The following STX5 variants were observed in gnomAD, a reference collection of about 807,000 sequenced individuals.
STX5 encodes syntaxin 5.
In STX5, 15 loss-of-function variants were observed where a neutral mutation model predicts 42.9. The ratio of observed to expected loss-of-function variants is 0.35; its 90% confidence interval spans 0.23 to 0.54. The LOEUF (loss-of-function observed/expected upper bound fraction) is 0.54, where lower values mean the gene tolerates loss of function less well. Among genes scored for constraint, STX5 ranks in the 20% least tolerant of loss-of-function variants. The pLI is 0.91. For missense variants in STX5, 430 were observed against 455.0 expected (o/e 0.95, Z 0.50); for synonymous variants, 184 against 173.2 (o/e 1.06, Z -0.49).
intron 5 of STX5, among the ~76,000 whole-genome samples, chr11:62,826,004 C>A (rs958564362): frequency 6.6e-6 from 1 of 152,186 alleles, no homozygotes. Flanking sequence ...TCTGTAAACC[C>A]ACCACTTTGA....
intron 10 of STX5, among the ~76,000 whole-genome samples, chr11:62,817,313 A>G (rs1842971632): frequency 1.3e-5 from 2 of 152,112 alleles, no homozygotes; most frequent in Admixed American, 1.3e-4. Context: ...CAATATCTAC[A>G]TTGCTGAATC....
intron 10 of STX5, among the ~76,000 whole-genome samples, chr11:62,814,628 A>AT (rs59288995): frequency 0.017 from 2,385 of 136,498 alleles, 33 homozygotes; most frequent in African/African-American, 0.038. Flanking sequence ...CGCTCAGCTA[A>AT]TTTTTTTTTT....
At position 62,810,675 on chromosome 11, in the gene STX5, T is replaced by C. The variant is rs116365913; in HGVS notation, c.909-3047A>G. ...AATTCTCAAGTGTCACAACCAGAAA[T>C]TCTAGGTTGGGGCCCAAGAATCTGC... On this transcript the variant is annotated intron_variant, in intron 10 of 10. Transcript: ENST00000294179. 9.3e-3 allele frequency among the ~76,000 whole-genome samples: 1,421 copies of C among 152,266 alleles called. 20 individuals are homozygous for C. The highest frequency in any genetic ancestry group is 0.033 in the African/African-American group (1,352 of 41,548).
In STX5 at chr11:62,821,037, C is replaced by T. The variant is rs376758902; in HGVS notation, c.908+3129G>A. Among the ~76,000 whole-genome samples the T allele has an allele frequency of 2.4e-4, 37 of 152,046 alleles. No homozygotes were observed. The South Asian group carries it at 7.3e-3, about 30-fold the overall frequency. On this transcript the variant is annotated intron_variant, in intron 10 of 10. Coordinates refer to ENST00000294179, the MANE Select transcript of STX5 (RefSeq NM_003164.5). ...AAAAACTGTCAAAATAGGCCAGGTG[C>T]GGTGGCTCACACCTGTAATCCTAGC...
At chr11:62,815,685 C>CT (rs2084665984) in intron 10 of STX5, among the ~76,000 whole-genome samples, 1 of 151,764 alleles carries the variant, frequency 6.6e-6, no homozygotes. Flanking sequence ...CACAGGCATG[C>CT]ACCACTATGC....
chr11:62,828,881 A>G (rs1431347046), intron 2 of STX5, among the ~76,000 whole-genome samples: 1 of 152,114 alleles, frequency 6.6e-6, no homozygotes, highest in Non-Finnish European at 1.5e-5. Flanking sequence ...CCTGGCGAAC[A>G]CAGTGAAACC....
At chr11:62,809,287 CAAAAAA>C (rs1174325165) in intron 10 of STX5, among the ~76,000 whole-genome samples, 1 of 62,130 alleles carries the variant, frequency 1.6e-5, no homozygotes, top group Non-Finnish European at 3.4e-5. Context: ...GACTCCGTCT[CAAAAAA>C]AAAAAAAAAA....
chr11:62,827,110 T>G, intron 5 of STX5, 45 bp downstream of exon 5: 29 of 1,569,498 alleles, frequency 1.8e-5, no homozygotes, highest in Non-Finnish European at 2.4e-5. Context: ...AAGACAGAAG[T>G]GATCTGATTG....
chr11:62,831,193 G>C lies in STX5; in HGVS notation c.51C>G (p.Tyr17Ter). Residue 17 changes from tyrosine (Y) to a stop codon, truncating the protein, a stop_gained, in exon 2 of 11, where the codon TAC becomes TAG. Coordinates refer to ENST00000294179, the MANE Select transcript of STX5 (RefSeq NM_003164.5). LOFTEE classifies it high-confidence loss of function. ...YGSKNTDQGV[Y>*]LGLSKTQVLS... ...GGACCTGTGTCTTTGAGAGACCCAG[G>C]TAGACACCCTGATCCGTGTTCTTAG... 6.4e-7 allele frequency: 1 copy of C among 1,566,640 alleles called. No homozygotes were observed. Among genetic ancestry groups the C allele is most frequent in the South Asian group, 1.2e-5 (1 of 85,432 alleles).
intron 10 of STX5, among the ~76,000 whole-genome samples, chr11:62,815,515 T>C (rs2084663943): frequency 6.6e-6 from 1 of 151,494 alleles, no homozygotes; most frequent in African/African-American, 2.4e-5. Context: ...CTAATTTTCA[T>C]AGATAGGATA....
rs2084774651 is a variant in STX5, at chr11:62,824,572, G to A, written c.680-7C>T. On this transcript the variant is annotated splice_polypyrimidine_tract_variant and splice_region_variant and intron_variant, in intron 8 of 10. Transcript: ENST00000294179. ...AGAACCACAGCACCACCGCCTGGGG[G>A]AGAAAACAGGATGTGGCACACCTTA... 6.2e-7 allele frequency: 1 copy of A among 1,613,644 alleles called. No individual in the cohort carries two copies. Among genetic ancestry groups the A allele is most frequent in the African/African-American group, 1.3e-5 (1 of 74,902 alleles).
At chr11:62,820,358 ACT>A (rs889495087) in intron 10 of STX5, among the ~76,000 whole-genome samples, 7 of 145,124 alleles carry the variant, frequency 4.8e-5, no homozygotes, top group Admixed American at 2.8e-4. Flanking sequence ...ACACGACGAG[ACT>A]CTGTCTCAAA....
At chr11:62,817,999 T>G (rs2084694046) in intron 10 of STX5, among the ~76,000 whole-genome samples, 1 of 151,982 alleles carries the variant, frequency 6.6e-6, no homozygotes, top group Non-Finnish European at 1.5e-5. Context: ...AGGCTGGGTG[T>G]GGTGGCTCAC....
intron 10 of STX5, among the ~76,000 whole-genome samples, chr11:62,821,007 T>A (rs1177033553): frequency 1.3e-5 from 2 of 152,038 alleles, no homozygotes; most frequent in Non-Finnish European, 2.9e-5. Flanking sequence ...CACAGCCTAC[T>A]TCATAAAAAC....
intron 1 of STX5, 45 bp downstream of exon 1, chr11:62,831,909 C>T: frequency 2.2e-6 from 1 of 457,928 alleles, no homozygotes; most frequent in Non-Finnish European, 4.4e-6. Context: ...ACCACTGCCC[C>T]AGAGCTGACA....
intron 6 of STX5, 21 bp from the exon 7 acceptor site, chr11:62,825,360 G>A: frequency 3.7e-6 from 6 of 1,614,192 alleles, no homozygotes; most frequent in Non-Finnish European, 5.1e-6. Flanking sequence ...AGGAGAGAGG[G>A]TCAACCAAAG....
intron 10 of STX5, among the ~76,000 whole-genome samples, chr11:62,818,527 A>C (rs1282863006): frequency 6.8e-6 from 1 of 147,936 alleles, no homozygotes; most frequent in Non-Finnish European, 1.5e-5. Context: ...GCACCACTGC[A>C]CTCCAGCCTG....
intron 10 of STX5, among the ~76,000 whole-genome samples, chr11:62,813,813 G>C (rs907313615): frequency 6.6e-6 from 1 of 151,986 alleles, no homozygotes; most frequent in African/African-American, 2.4e-5. Context: ...GCTCCACCCC[G>C]AGCATTGCTA....
intron 10 of STX5, among the ~76,000 whole-genome samples, chr11:62,818,614 G>A (rs1029100724): frequency 1.3e-5 from 2 of 148,908 alleles, no homozygotes; most frequent in African/African-American, 2.5e-5. Flanking sequence ...CACATTGGGA[G>A]GTCAAGGTGG....
Sources: allele counts gnomAD v4.1 joint callset (sites outside exome capture counted in the v4.1 genomes callset), GRCh38; gene constraint gnomAD v4.1.1; transcripts MANE v1.5; gene names NCBI Gene and HGNC (gene_info 2026-07-23, HGNC 2026-07-21).